Variants in VWA8 observed in about 807,000 individuals in gnomAD.
The protein encoded by VWA8 is von Willebrand factor A domain containing 8.
In VWA8, 221 loss-of-function variants were observed where a neutral mutation model predicts 241.5. That is an observed-to-expected ratio of 0.91 (90% CI 0.82 to 1.02). The LOEUF (loss-of-function observed/expected upper bound fraction) is 1.02, where lower values mean the gene tolerates loss of function less well. Among genes scored for constraint, VWA8 ranks in the 50% least tolerant of loss-of-function variants. VWA8 has a pLI of 0.00. For synonymous variants in VWA8, 852 were observed against 827.1 expected (o/e 1.03, Z -0.52); for missense variants, 2,322 against 2,328.7 (o/e 1.00, Z 0.06).
At chr13:41,909,844 A>G (rs959557001) in intron 3 of VWA8, among the ~76,000 whole-genome samples, 1 of 152,200 alleles carries the variant, frequency 6.6e-6, no homozygotes, top group African/African-American at 2.4e-5. Flanking sequence ...ACAAACTACA[A>G]AAGTCCTTTT....
At chr13:41,615,147 G>C in intron 37 of VWA8, 63 bp from the exon 38 acceptor site, 2 of 1,519,240 alleles carry the variant, frequency 1.3e-6, no homozygotes, top group Non-Finnish European at 1.8e-6. Context: ...CTGCATGACA[G>C]AAAAAAAAAT....
In VWA8 at chr13:41,570,438, C is replaced by A. The variant is rs750121901; in HGVS notation, c.5609+30G>T. 9 of 1,588,158 alleles carry A rather than the reference C, an allele frequency of 5.7e-6. No homozygotes were observed. In the South Asian group the frequency reaches 1.0e-4, roughly 18 times the overall value. ...TAGCTACTCAGTATCTCTGTACCTGCCCTTTTCTGTATGCTCAGATGACAC... is the reference window on the plus strand; with the variant it reads ...TAGCTACTCAGTATCTCTGTACCTGACCTTTTCTGTATGCTCAGATGACAC... On this transcript the variant is annotated intron_variant, in intron 44 of 44. Coordinates refer to ENST00000379310, the MANE Select transcript of VWA8 (RefSeq NM_015058.2).
chr13:41,954,369 T>C (rs1878269312), intron 1 of VWA8, among the ~76,000 whole-genome samples: 1 of 152,188 alleles, frequency 6.6e-6, no homozygotes, highest in East Asian at 1.9e-4. Context: ...TATTGTCCAT[T>C]GTGTGCGCCT....
At chr13:41,875,283 T>C (rs1395589130) in intron 9 of VWA8, among the ~76,000 whole-genome samples, 1 of 152,084 alleles carries the variant, frequency 6.6e-6, no homozygotes, top group Non-Finnish European at 1.5e-5. Flanking sequence ...TGTTCTTCCA[T>C]CATTTCAAAA....
At chr13:41,714,677 CAAGAA>C (rs2045337568) in intron 26 of VWA8, among the ~76,000 whole-genome samples, 1 of 151,862 alleles carries the variant, frequency 6.6e-6, no homozygotes, top group African/African-American at 2.4e-5. Context: ...CCATATGTCA[CAAGAA>C]AAGGAAACTT....
At chr13:41,894,823 CACA>C (rs150082420) in intron 4 of VWA8, among the ~76,000 whole-genome samples, 60 of 152,244 alleles carry the variant, frequency 3.9e-4, no homozygotes, top group African/African-American at 1.4e-3. Context: ...CTGAGATGGG[CACA>C]ACATCACTTT....
intron 21 of VWA8, among the ~76,000 whole-genome samples, chr13:41,733,969 GT>G (rs1322049460): frequency 6.6e-6 from 1 of 152,208 alleles, no homozygotes; most frequent in Non-Finnish European, 1.5e-5. Context: ...ATTGGATTTT[GT>G]TTTTAAACAG....
chr13:41,832,697 A>T (rs1335563222), intron 13 of VWA8, among the ~76,000 whole-genome samples: 1 of 152,170 alleles, frequency 6.6e-6, no homozygotes, highest in Admixed American at 6.5e-5. Context: ...CAGTATCATT[A>T]ATCTCCTAAA....
At chr13:41,571,746 T>C (rs943997321) in intron 43 of VWA8, among the ~76,000 whole-genome samples, 4 of 152,204 alleles carry the variant, frequency 2.6e-5, no homozygotes, top group Admixed American at 2.0e-4. Context: ...AGTGCCGAGA[T>C]TGCAGCCTCT....
intron 14 of VWA8, among the ~76,000 whole-genome samples, chr13:41,823,803 T>G (rs752034083): frequency 6.6e-6 from 1 of 152,136 alleles, no homozygotes; most frequent in Non-Finnish European, 1.5e-5. Flanking sequence ...TCGAGATGTA[T>G]AGTCTTGGTG....
chr13:41,785,226 C>T (rs76540001), intron 18 of VWA8, among the ~76,000 whole-genome samples: 25,383 of 151,956 alleles, frequency 0.17, 2,236 homozygotes, highest in Middle Eastern at 0.22. Flanking sequence ...TCTCATATGA[C>T]TTCATGCAAT....
intron 26 of VWA8, among the ~76,000 whole-genome samples, chr13:41,707,705 C>A (rs1381391351): frequency 1.3e-5 from 2 of 152,216 alleles, no homozygotes; most frequent in African/African-American, 4.8e-5. Context: ...TCAGTCTCAG[C>A]CACCTCAAAC....
intron 37 of VWA8, among the ~76,000 whole-genome samples, chr13:41,619,593 A>T (rs915899673): frequency 1.7e-4 from 26 of 152,250 alleles, no homozygotes; most frequent in African/African-American, 6.3e-4. Context: ...TCAGTATGAT[A>T]TTGGCTGTGG....
At chr13:41,823,192 G>T (rs1211873516) in intron 14 of VWA8, among the ~76,000 whole-genome samples, 1 of 152,072 alleles carries the variant, frequency 6.6e-6, no homozygotes, top group Non-Finnish European at 1.5e-5. Flanking sequence ...AGGAGATAGT[G>T]CTTGGATCCT....
At chr13:41,578,364 C>T (rs892376592) in intron 42 of VWA8, among the ~76,000 whole-genome samples, 1 of 152,090 alleles carries the variant, frequency 6.6e-6, no homozygotes, top group African/African-American at 2.4e-5. Flanking sequence ...CAATAAAACG[C>T]TTGGGAGGAA....
chr13:41,639,578 T>C (rs1412959514), intron 37 of VWA8, among the ~76,000 whole-genome samples: 1 of 152,220 alleles, frequency 6.6e-6, no homozygotes, highest in East Asian at 1.9e-4. Context: ...TTTCAAGAAA[T>C]GCTACCTTTG....
intron 12 of VWA8, among the ~76,000 whole-genome samples, chr13:41,847,176 C>T (rs886144213): frequency 4.6e-5 from 7 of 151,972 alleles, no homozygotes; most frequent in Admixed American, 3.9e-4. Flanking sequence ...AAAAAATAAA[C>T]ATGGATCTTA....
rs779268717 is a variant in VWA8 at position 41,568,421 on chromosome 13, C to CTAA, written c.5610-119_5610-117dup. The CTAA allele has an allele frequency of 1.8e-5, 13 of 712,452 alleles. No individual in the cohort carries two copies. The African/African-American group carries it at 2.1e-4, about 12-fold the overall frequency. The allele number at this position is 712,452 out of a possible 1,614,324, so 44.1% of individuals were successfully genotyped here. A position where few individuals can be genotyped will look rare whatever the true frequency, so the allele number is the denominator to read the frequency against. On this transcript the variant is annotated intron_variant, in intron 44 of 44. Coordinates refer to ENST00000379310, the MANE Select transcript of VWA8 (RefSeq NM_015058.2). ...TCTTAGGAAAGGAAGTTTTTACTTTCTAATACCTTGCTCTCTGCCTACCAT... is the reference window on the plus strand; with the variant it reads ...TCTTAGGAAAGGAAGTTTTTACTTTCTAATAATACCTTGCTCTCTGCCTACCAT...
At chr13:41,682,253 G>A (rs2045105775) in intron 35 of VWA8, among the ~76,000 whole-genome samples, 1 of 152,144 alleles carries the variant, frequency 6.6e-6, no homozygotes, top group African/African-American at 2.4e-5. Context: ...AGGTCTAAAG[G>A]CAGTGCAAAA....
Sources: gnomAD v4.1 joint callset for allele counts (sites outside exome capture counted in the v4.1 genomes callset) on GRCh38, gnomAD v4.1.1 for gene constraint, MANE v1.5 for transcripts, NCBI Gene and HGNC (gene_info 2026-07-23, HGNC 2026-07-21) for gene names.